MVB12A: variants seen among roughly 807,000 people sequenced by gnomAD.
MVB12A encodes the protein multivesicular body subunit 12A.
MVB12A carries 30 observed loss-of-function variants against 34.3 expected under a neutral mutation model. That is an observed-to-expected ratio of 0.88 (90% CI 0.65 to 1.19). MVB12A has a LOEUF of 1.19. Ranked by LOEUF, MVB12A falls within the 50% of genes most tolerant of loss-of-function variation. The probability of loss-of-function intolerance (pLI) is 0.00; values close to 1 mark genes in which losing one functional copy is unlikely to be tolerated. For synonymous variants in MVB12A, 158 were observed against 158.9 expected, an observed-to-expected ratio of 0.99 and a Z score of 0.04; for missense variants, 355 against 369.2, an observed-to-expected ratio of 0.96 and a Z score of 0.31.
chr19:17,420,340 G>A lies in MVB12A; in HGVS notation c.118G>A (p.Ala40Thr), dbSNP rs766175288. The change falls in exon 2 of 9, where the codon GCC becomes ACC. Residue 40 changes from alanine (A) to threonine (T), a missense_variant. Ala to Thr is a moderately conservative substitution (Grantham distance 58, BLOSUM62 0). Transcript: ENST00000317040. ...AISCTVEGAPASFGKSFAQKS... is the reference protein window; with the variant it reads ...AISCTVEGAPTSFGKSFAQKS... ...CTCCTGCACCGTCGAGGGGGCACCC[G>A]CCAGCTTTGGCAAGAGCTTCGCGCA... 6.8e-6 allele frequency: 11 copies of A among 1,612,210 alleles called. No individual in the cohort carries two copies. In the East Asian group the frequency reaches 2.0e-4, roughly 30 times the overall value.
chr19:17,421,958 A>AAAGAG (rs896339441), intron 3 of MVB12A: 1 of 158,050 alleles, frequency 6.3e-6, no homozygotes, highest in African/African-American at 2.4e-5. Flanking sequence ...AAAGAAAAGA[A>AAAGAG]AACAGACCTT....
chr19:17,417,651 ATAAAT>A (rs1345914285), upstream of MVB12A: 2 of 151,480 alleles, frequency 1.3e-5, no homozygotes, highest in Non-Finnish European at 2.9e-5. Flanking sequence ...AATAAAATAA[ATAAAT>A]TAAATAAAAT....
At position 17,423,726 on chromosome 19, in the gene MVB12A, G is replaced by A. The variant is rs775984500; in HGVS notation, c.567G>A (p.Arg189=). The A allele has an allele frequency of 1.9e-6, 3 of 1,613,888 alleles. No homozygotes were observed. The East Asian group carries it at 6.7e-5, about 36-fold the overall frequency. ...KGGLLERTAS[R]LGSRASTLRR... ...GCCTCCTGGAGCGGACAGCGTCAAG[G>A]CTGGGCTCTCGGGCATCCACTCTGC... The change falls in exon 6 of 9, where the codon AGG becomes AGA. Residue 189 remains arginine, a synonymous_variant. Transcript: ENST00000317040.
At chr19:17,411,033 A>G (rs1265862148) in intron 2 of MVB12A, among the ~76,000 whole-genome samples, 1 of 150,292 alleles carries the variant, frequency 6.7e-6, no homozygotes, top group Admixed American at 6.6e-5. Context: ...CAGTGGCGCG[A>G]TCTCCACTCA....
At chr19:17,422,189 A>G in intron 3 of MVB12A, 143 bp from the exon 4 acceptor site, 1 of 654,034 alleles carries the variant, frequency 1.5e-6, no homozygotes, top group Admixed American at 2.7e-5. Flanking sequence ...TCATGATTTA[A>G]CCACTCCTCC....
In MVB12A at chr19:17,424,661, C is replaced by T. The variant is rs143800574; in HGVS notation, c.743C>T (p.Ala248Val). Reference sequence around the variant, plus strand: ...GGGGACCTGACCATCAAGTCTCTGGCGGACATTGAGGAGGAGGTGGGTGCA... The same window carrying T: ...GGGGACCTGACCATCAAGTCTCTGGTGGACATTGAGGAGGAGGTGGGTGCA... ...AFGDLTIKSL[A>V]DIEEEYNYGF... The change falls in exon 8 of 9, where the codon GCG (alanine) becomes GTG (valine). Residue 248 changes from alanine (A) to valine (V), a missense_variant. Transcript: ENST00000317040. The T allele has an allele frequency of 3.6e-4, 577 of 1,610,960 alleles. No homozygotes were observed. Among genetic ancestry groups the T allele is most frequent in the Middle Eastern group, 5.0e-4 (3 of 6,026 alleles).
At chr19:17,416,358 C>G (rs2074799572), upstream of MVB12A, among the ~76,000 whole-genome samples, 1 of 151,306 alleles carries the variant, frequency 6.6e-6, no homozygotes, top group Non-Finnish European at 1.5e-5. Context: ...GATCCACCCA[C>G]CTCAGCCTCC....
intron 4 of MVB12A, 142 bp downstream of exon 4, chr19:17,422,600 G>T: frequency 4.1e-6 from 3 of 735,204 alleles, no homozygotes; most frequent in Non-Finnish European, 6.2e-6. Context: ...TTAAAACCGG[G>T]ACATATATAT....
chr19:17,406,954 G>A (rs576402638), intron 2 of MVB12A, among the ~76,000 whole-genome samples: 18 of 152,266 alleles, frequency 1.2e-4, no homozygotes, highest in African/African-American at 3.1e-4. Flanking sequence ...GCAAAGACAC[G>A]ACCTTTGCCT....
chr19:17,420,015 G>GCTCCCCCCCA, upstream of MVB12A: 1 of 221,218 alleles, frequency 4.5e-6, no homozygotes, highest in Non-Finnish European at 7.2e-6. Flanking sequence ...GGCAATCTCC[G>GCTCCCCCCCA]CCCCCCCCCC....
intron 4 of MVB12A, 64 bp from the exon 5 acceptor site, chr19:17,423,434 G>A: frequency 6.4e-7 from 1 of 1,566,820 alleles, no homozygotes; most frequent in Non-Finnish European, 8.7e-7. Flanking sequence ...CCTTCTCCAG[G>A]GGCTATCCTC....
rs982170235 is a variant in MVB12A, at chr19:17,425,167, G to A, written c.*174G>A. 5.4e-6 allele frequency: 3 copies of A among 557,600 alleles called. No individual in the cohort carries two copies. Among genetic ancestry groups the A allele is most frequent in the Admixed American group, 3.5e-5 (1 of 28,490 alleles). 34.5% of individuals were successfully genotyped at this position (557,600 alleles called of 1,614,324 possible). A position where few individuals can be genotyped will look rare whatever the true frequency, so the allele number is the denominator to read the frequency against. ...GCGGAGCTGCAGCCCTGGAGGAGGG[G>A]GCGGGTCGAGGCTGCGTGGTGATGG... is the stretch of plus-strand genomic sequence containing the variant. On this transcript the variant is annotated 3_prime_UTR_variant, in exon 9 of 9. Transcript: ENST00000317040.
chr19:17,420,039 T>G, upstream of MVB12A: 68 of 321,574 alleles, frequency 2.1e-4, no homozygotes, highest in East Asian at 2.9e-4. Flanking sequence ...CATGGCCTTC[T>G]GGGAGTTGTA....
At position 17,424,661 on chromosome 19, in the gene MVB12A, C is replaced by A; in HGVS notation, c.743C>A (p.Ala248Glu). 1.2e-6 allele frequency: 2 copies of A among 1,610,962 alleles called. No homozygotes were observed. The highest frequency in any genetic ancestry group is 2.2e-5 in the South Asian group (2 of 90,694). ...GGGGACCTGACCATCAAGTCTCTGG[C>A]GGACATTGAGGAGGAGGTGGGTGCA... The part of the protein sequence containing the change: ...AFGDLTIKSL[A>E]DIEEEYNYGF... Residue 248 changes from alanine to glutamate, a missense_variant, in exon 8 of 9, where the codon GCG becomes GAG. Ala to Glu is a moderately radical substitution (Grantham distance 107). Transcript: ENST00000317040.
rs774971710 is a variant in MVB12A at position 17,424,960 on chromosome 19, C to G, written c.789C>G (p.Thr263=). 3 of 1,610,682 alleles carry G rather than the reference C, an allele frequency of 1.9e-6. No homozygotes were observed. Among genetic ancestry groups the G allele is most frequent in the Non-Finnish European group, 2.5e-6 (3 of 1,178,142 alleles). Residue 263 remains threonine (T), a synonymous_variant, in exon 9 of 9, where the codon ACC becomes ACG. Coordinates refer to ENST00000317040, the MANE Select transcript of MVB12A (RefSeq NM_138401.4). ...EYNYGFVVEK[T]AAARLPPSVS ...ACTACGGCTTCGTGGTGGAGAAGAC[C>G]GCGGCTGCCCGCCTGCCCCCCAGCG... is the stretch of plus-strand genomic sequence containing the variant.
intron 2 of MVB12A, among the ~76,000 whole-genome samples, chr19:17,409,978 C>T (rs933377634): frequency 6.6e-6 from 1 of 151,190 alleles, no homozygotes; most frequent in Non-Finnish European, 1.5e-5. Flanking sequence ...AGGCTGGTCT[C>T]GAACTCCTGA....
chr19:17,415,633 GGTATAAAA>G (rs1192267325), upstream of MVB12A: 2 of 152,214 alleles, frequency 1.3e-5, no homozygotes, highest in African/African-American at 4.8e-5. Flanking sequence ...TCCGAACCAA[GGTATAAAA>G]GTAAATCAAG....
intron 2 of MVB12A, among the ~76,000 whole-genome samples, chr19:17,407,407 T>C (rs1266337946): frequency 6.6e-6 from 1 of 152,066 alleles, no homozygotes; most frequent in East Asian, 1.9e-4. Context: ...TGTCTGGCTG[T>C]GCTGTTATTT....
chr19:17,410,269 C>G (rs1321718084), intron 2 of MVB12A, among the ~76,000 whole-genome samples: 1 of 151,094 alleles, frequency 6.6e-6, no homozygotes, highest in Non-Finnish European at 1.5e-5. Context: ...CTCCTGGGCT[C>G]AAGCAATCCT....
Sources: gnomAD v4.1 joint callset for allele counts (sites outside exome capture counted in the v4.1 genomes callset) on GRCh38, gnomAD v4.1.1 for gene constraint, MANE v1.5 for transcripts, NCBI Gene and HGNC (gene_info 2026-07-23, HGNC 2026-07-21) for gene names.